The following ADAMTSL1 variants were observed in gnomAD, a reference collection of about 807,000 sequenced individuals.
ADAMTSL1 encodes the protein ADAMTS-like protein 1.
A neutral mutation model predicts 201.8 loss-of-function variants in ADAMTSL1; 126 were observed. The observed-to-expected ratio is 0.62, with a 90% confidence interval of 0.54 to 0.72. The LOEUF (loss-of-function observed/expected upper bound fraction) is 0.72. Among genes scored for constraint, ADAMTSL1 ranks in the 30% least tolerant of loss-of-function variants. The pLI is 0.00. For missense variants in ADAMTSL1, 2,679 were observed against 2,277.8 expected (o/e 1.18, Z -3.59); for synonymous variants, 1,121 against 903.4 (o/e 1.24, Z -4.32).
At chr9:18,543,318 A>G (rs1253759261) in intron 3 of ADAMTSL1, among the ~76,000 whole-genome samples, 1 of 151,046 alleles carries the variant, frequency 6.6e-6, no homozygotes, top group East Asian at 2.0e-4. Flanking sequence ...TCTGCAAAAA[A>G]TCCTAATTTC....
rs553901562 is a variant in ADAMTSL1 at position 18,298,068 on chromosome 9, T to G, written c.207+134087T>G. Among the ~76,000 whole-genome samples, 10 of 152,348 alleles carry G rather than the reference T, an allele frequency of 6.6e-5. No homozygotes were observed. The East Asian group carries it at 1.9e-3, about 29-fold the overall frequency. ...TTCTGCTAACCCATTGTTTGTCAAT[T>G]GGAATCTGCCACAACCAGGCACAAA... On this transcript the variant is annotated intron_variant, in intron 2 of 29. Transcript: ENST00000680146.
intron 1 of ADAMTSL1, among the ~76,000 whole-genome samples, chr9:17,928,889 T>C (rs953951658): frequency 3.3e-5 from 5 of 152,192 alleles, no homozygotes; most frequent in Admixed American, 6.6e-5. Context: ...GGTAGAATTT[T>C]AGAAAGGGTG....
At chr9:18,681,278 G>A (rs1830454369) in intron 11 of ADAMTSL1, 1 of 152,340 alleles carries the variant, frequency 6.6e-6, no homozygotes, top group Non-Finnish European at 1.5e-5. Context: ...AATCTACATT[G>A]GGCATCTGGT....
chr9:18,240,833 C>T (rs1326530592), intron 2 of ADAMTSL1, among the ~76,000 whole-genome samples: 1 of 152,198 alleles, frequency 6.6e-6, no homozygotes, highest in Non-Finnish European at 1.5e-5. Context: ...GCATCTGCTG[C>T]TTTACCTTGC....
At chr9:18,329,046 C>T (rs917328228) in intron 2 of ADAMTSL1, among the ~76,000 whole-genome samples, 2 of 152,062 alleles carry the variant, frequency 1.3e-5, no homozygotes, top group African/African-American at 4.8e-5. Context: ...AAGCTCATCC[C>T]CAGTGTGAGG....
chr9:18,676,394 TA>T (rs1227874928), intron 10 of ADAMTSL1, among the ~76,000 whole-genome samples: 2 of 152,232 alleles, frequency 1.3e-5, no homozygotes, highest in South Asian at 2.1e-4. Context: ...TAATTAAGTA[TA>T]AAAGGCAATT....
At chr9:18,759,179 C>T (rs931645794) in intron 16 of ADAMTSL1, among the ~76,000 whole-genome samples, 1 of 152,178 alleles carries the variant, frequency 6.6e-6, no homozygotes, top group African/African-American at 2.4e-5. Context: ...GGATCCCTGC[C>T]TTGCTTAAAA....
rs551970873 is a variant in ADAMTSL1, at chr9:18,832,885, C to T, written c.4249+2908C>T. ...TGGTTCTGTGGCACAGGAACAGTAACTCATAGACCCTGATTTTCATGTTTC... is the reference window on the plus strand; with the variant it reads ...TGGTTCTGTGGCACAGGAACAGTAATTCATAGACCCTGATTTTCATGTTTC... On this transcript the variant is annotated intron_variant, in intron 23 of 28. Coordinates refer to ENST00000380548, the MANE Select transcript of ADAMTSL1 (RefSeq NM_001040272.6). Among the ~76,000 whole-genome samples, 3 of 152,294 alleles carry T rather than the reference C, an allele frequency of 2.0e-5. No homozygotes were observed. In the South Asian group the frequency reaches 6.2e-4, roughly 32 times the overall value.
rs186828334 is a variant in ADAMTSL1 at position 18,463,598 on chromosome 9, G to A, written c.208-41231G>A. 1.4e-3 allele frequency among the ~76,000 whole-genome samples: 210 copies of A among 152,066 alleles called. 2 individuals are homozygous for A. The highest frequency in any genetic ancestry group is 4.8e-3 in the African/African-American group (197 of 41,468). The stretch of plus-strand genomic sequence containing the variant: ...TCACCATTCTACTCCCTGTCTCTAT[G>A]AATCTTACTACTCTAGGTACCTCAA... On this transcript the variant is annotated intron_variant, in intron 2 of 29. Transcript: ENST00000680146.
At chr9:18,760,545 C>T (rs1220087835) in intron 16 of ADAMTSL1, among the ~76,000 whole-genome samples, 2 of 152,192 alleles carry the variant, frequency 1.3e-5, no homozygotes, top group Non-Finnish European at 2.9e-5. Flanking sequence ...TAATACCTCA[C>T]AAAGCAGTAT....
chr9:18,497,775 T>C (rs1266419166), intron 1 of ADAMTSL1, among the ~76,000 whole-genome samples: 2 of 152,218 alleles, frequency 1.3e-5, no homozygotes, highest in Admixed American at 6.5e-5. Flanking sequence ...GCTGTGAAAT[T>C]GTGTTCTGTT....
At chr9:18,553,632 G>C (rs1820929825) in intron 3 of ADAMTSL1, among the ~76,000 whole-genome samples, 1 of 151,708 alleles carries the variant, frequency 6.6e-6, no homozygotes, top group Non-Finnish European at 1.5e-5. Flanking sequence ...TTGGTTTTCT[G>C]TATTTTGTTT....
At chr9:18,476,656 T>G (rs1350618709) in intron 1 of ADAMTSL1, among the ~76,000 whole-genome samples, 1 of 151,776 alleles carries the variant, frequency 6.6e-6, no homozygotes, top group East Asian at 1.9e-4. Context: ...TTGAGGGGCT[T>G]GTTTTTCCTA....
Position 18,298,066 on chromosome 9 carries a change from A to G in ADAMTSL1, c.207+134085A>G, listed in dbSNP as rs143856262. Reference sequence around the variant, plus strand: ...CATTCTGCTAACCCATTGTTTGTCAATTGGAATCTGCCACAACCAGGCACA... The same window carrying G: ...CATTCTGCTAACCCATTGTTTGTCAGTTGGAATCTGCCACAACCAGGCACA... On this transcript the variant is annotated intron_variant, in intron 2 of 29. Transcript: ENST00000680146. 1.7e-3 allele frequency among the ~76,000 whole-genome samples: 258 copies of G among 152,358 alleles called. 1 individual carries two copies. The highest frequency in any genetic ancestry group is 5.7e-3 in the Admixed American group (87 of 15,314).
chr9:18,712,876 G>C (rs1182626578), intron 14 of ADAMTSL1, among the ~76,000 whole-genome samples: 2 of 148,336 alleles, frequency 1.3e-5, no homozygotes, highest in Non-Finnish European at 3.0e-5. Context: ...TCAAAGGGAA[G>C]CCCATCAGAC....
chr9:18,854,236 A>G (rs1826701905), intron 23 of ADAMTSL1, among the ~76,000 whole-genome samples: 1 of 152,014 alleles, frequency 6.6e-6, no homozygotes, highest in Admixed American at 6.6e-5. Flanking sequence ...ACACATATGC[A>G]CGCACACACA....
chr9:18,157,847 C>A (rs965666083), intron 1 of ADAMTSL1, among the ~76,000 whole-genome samples: 12 of 152,000 alleles, frequency 7.9e-5, no homozygotes, highest in African/African-American at 2.9e-4. Context: ...CACTGCTAAT[C>A]AGCTTGCAGA....
chr9:18,646,784 G>T (rs1295558368), intron 7 of ADAMTSL1, among the ~76,000 whole-genome samples: 16 of 152,008 alleles, frequency 1.1e-4, no homozygotes, highest in Admixed American at 9.8e-4. Flanking sequence ...TGCTGGATTC[G>T]GTTTGCCAGT....
intron 2 of ADAMTSL1, among the ~76,000 whole-genome samples, chr9:18,304,648 CTT>C (rs77501277): frequency 2.8e-5 from 4 of 142,712 alleles, no homozygotes; most frequent in Admixed American, 7.0e-5. Context: ...AGGGCCTAAA[CTT>C]TTTTTTTTTT....
Sources: allele counts gnomAD v4.1 joint callset (sites outside exome capture counted in the v4.1 genomes callset), GRCh38; gene constraint gnomAD v4.1.1; transcripts MANE v1.5; gene names NCBI Gene and HGNC (gene_info 2026-07-23, HGNC 2026-07-21).